SV2C: variants seen among roughly 807,000 people sequenced by gnomAD.
The protein encoded by SV2C is solute carrier family 22 member B3.
SV2C carries 49 observed loss-of-function variants against 79.7 expected under a neutral mutation model. That is an observed-to-expected ratio of 0.61 (90% confidence interval 0.49 to 0.78). The LOEUF (loss-of-function observed/expected upper bound fraction) is 0.78. SV2C is among the 30% of genes least tolerant of loss of function. The pLI is 0.00. For missense variants in SV2C, 833 were observed against 912.9 expected (o/e 0.91, Z 1.13); for synonymous variants, 334 against 333.2 (o/e 1.00, Z -0.03).
intron 1 of SV2C, among the ~76,000 whole-genome samples, chr5:76,096,592 G>T (rs143169389): frequency 6.6e-6 from 1 of 152,314 alleles, no homozygotes; most frequent in African/African-American, 2.4e-5. Flanking sequence ...GGTGGCAGAA[G>T]TATGTGAAAG....
the SV2C span, among the ~76,000 whole-genome samples, chr5:75,985,848 C>T: frequency 6.6e-6 from 1 of 151,734 alleles, no homozygotes; most frequent in African/African-American, 2.4e-5. Context: ...GGTGCATTCA[C>T]AATATTTAAT....
chr5:76,021,260 G>A, the SV2C span, among the ~76,000 whole-genome samples: 1 of 152,082 alleles, frequency 6.6e-6, no homozygotes, highest in Admixed American at 6.6e-5. Context: ...TCAGTTTTTT[G>A]AATTCATATA....
intron 2 of SV2C, among the ~76,000 whole-genome samples, chr5:76,189,757 G>A (rs13178585): frequency 0.096 from 14,613 of 152,050 alleles, 886 homozygotes; most frequent in Non-Finnish European, 0.13. Context: ...GAGTGAGACC[G>A]TAAAAACACA....
At chr5:76,216,820 G>T (rs955970941) in intron 4 of SV2C, among the ~76,000 whole-genome samples, 5 of 152,202 alleles carry the variant, frequency 3.3e-5, no homozygotes, top group Non-Finnish European at 2.9e-5. Flanking sequence ...TACCTCAGGG[G>T]AAATGGGAAC....
the SV2C span, among the ~76,000 whole-genome samples, chr5:76,021,614 A>G: frequency 1.3e-5 from 2 of 152,220 alleles, no homozygotes; most frequent in Non-Finnish European, 2.9e-5. Context: ...ATGTGAAATT[A>G]CAAGTGATAC....
At chr5:75,912,271 A>AAG in the SV2C span, among the ~76,000 whole-genome samples, 7 of 152,210 alleles carry the variant, frequency 4.6e-5, no homozygotes, top group African/African-American at 1.7e-4. Flanking sequence ...CCCATTTTGC[A>AAG]AGACTTAAAG....
At chr5:75,878,280 T>C in the SV2C span, among the ~76,000 whole-genome samples, 1 of 152,190 alleles carries the variant, frequency 6.6e-6, no homozygotes, top group African/African-American at 2.4e-5. Context: ...ATGAAATATC[T>C]TCCTATTCTT....
chr5:76,209,607 T>C, intron 3 of SV2C, 129 bp from the exon 4 acceptor site: 3 of 905,082 alleles, frequency 3.3e-6, no homozygotes, highest in Non-Finnish European at 3.2e-6. Context: ...TAATAGAAAA[T>C]ATATGTTTGT....
At chr5:76,189,516 G>C (rs777266071) in intron 2 of SV2C, among the ~76,000 whole-genome samples, 1 of 152,184 alleles carries the variant, frequency 6.6e-6, no homozygotes, top group African/African-American at 2.4e-5. Flanking sequence ...CTGGTAATTA[G>C]TTGGTTAGTA....
chr5:76,084,532 G>A (rs150640050), intron 1 of SV2C, among the ~76,000 whole-genome samples: 2,471 of 142,440 alleles, frequency 0.017, 49 homozygotes, highest in East Asian at 0.062. Flanking sequence ...GAACAATCGG[G>A]AGCAGATCTG....
chr5:75,963,797 A>C, the SV2C span, among the ~76,000 whole-genome samples: 2 of 152,036 alleles, frequency 1.3e-5, no homozygotes, highest in African/African-American at 4.8e-5. Context: ...CTATAAGCCA[A>C]ATGTCAGACT....
chr5:75,901,132 C>G, the SV2C span, among the ~76,000 whole-genome samples: 6 of 152,334 alleles, frequency 3.9e-5, no homozygotes, highest in Admixed American at 3.9e-4. Flanking sequence ...TGGTGAGGAC[C>G]TGCATTCCTT....
the SV2C span, among the ~76,000 whole-genome samples, chr5:75,997,387 A>T: frequency 1.3e-5 from 2 of 150,292 alleles, no homozygotes; most frequent in East Asian, 3.9e-4. Flanking sequence ...AAAACCTACC[A>T]TCAGAGTGAA....
chr5:75,924,292 A>T, the SV2C span, among the ~76,000 whole-genome samples: 2 of 152,124 alleles, frequency 1.3e-5, no homozygotes, highest in Admixed American at 6.5e-5. Context: ...AAAATATTAC[A>T]TATCAGGTGC....
the SV2C span, among the ~76,000 whole-genome samples, chr5:76,049,152 A>T: frequency 6.6e-6 from 1 of 151,934 alleles, no homozygotes; most frequent in African/African-American, 2.4e-5. Context: ...CCTGGCTAAC[A>T]TGATGAAACA....
intron 4 of SV2C, among the ~76,000 whole-genome samples, chr5:76,257,746 G>A (rs1359989036): frequency 4.0e-5 from 6 of 151,416 alleles, no homozygotes; most frequent in African/African-American, 1.5e-4. Flanking sequence ...TGTGTTGGGT[G>A]TGGACGCATG....
the SV2C span, among the ~76,000 whole-genome samples, chr5:76,077,861 C>G: frequency 2.0e-5 from 3 of 152,214 alleles, no homozygotes; most frequent in Non-Finnish European, 1.5e-5. Flanking sequence ...GAGGTGGCCT[C>G]TTAAACTTTA....
chr5:76,120,170 C>G (rs73130263), intron 1 of SV2C, among the ~76,000 whole-genome samples: 7,034 of 151,906 alleles, frequency 0.046, 537 homozygotes, highest in African/African-American at 0.16. Flanking sequence ...AAGAATCTAC[C>G]AGCACACATT....
At chr5:76,095,565 A>G (rs537734050) in intron 1 of SV2C, among the ~76,000 whole-genome samples, 2 of 152,214 alleles carry the variant, frequency 1.3e-5, no homozygotes, top group East Asian at 3.9e-4. Context: ...CAGGTCAGTC[A>G]AGTTTTTATA....
Sources: gnomAD v4.1 joint callset for allele counts (sites outside exome capture counted in the v4.1 genomes callset) on GRCh38, gnomAD v4.1.1 for gene constraint, MANE v1.5 for transcripts, NCBI Gene and HGNC (gene_info 2026-07-23, HGNC 2026-07-21) for gene names.